Variants in HEXD observed in about 807,000 individuals in gnomAD.
HEXD encodes the protein hexosaminidase D, also known as N-acetyl-beta-galactosaminidase.
In HEXD, 47 loss-of-function variants were observed where a neutral mutation model predicts 54.2. That is an observed-to-expected ratio of 0.87 (90% CI 0.69 to 1.11). HEXD has a LOEUF of 1.11. Ranked by LOEUF, HEXD falls within the 50% of genes least tolerant of loss-of-function variation. The pLI is 0.00. For missense variants in HEXD, 576 were observed against 649.2 expected (o/e 0.89, Z 1.23); for synonymous variants, 293 against 287.6 (o/e 1.02, Z -0.19).
intron 8 of HEXD, among the ~76,000 whole-genome samples, chr17:82,439,265 G>A (rs1363470873): frequency 6.6e-6 from 1 of 152,216 alleles, no homozygotes; most frequent in Non-Finnish European, 1.5e-5. Flanking sequence ...TAGGAGGGGG[G>A]CGTCAAGGGC....
chr17:82,439,787 C>T, intron 9 of HEXD, 74 bp downstream of exon 9: 1 of 1,597,076 alleles, frequency 6.3e-7, no homozygotes, highest in Non-Finnish European at 8.5e-7. Context: ...GGCCAAGCAC[C>T]CAGTGCTCCA....
chr17:82,418,389 G>A lies in HEXD; in HGVS notation c.-403G>A. 1 of 1,449,410 alleles carries A rather than the reference G, an allele frequency of 6.9e-7. No homozygotes were observed. The highest frequency in any genetic ancestry group is 1.3e-5 in the South Asian group (1 of 78,642). 89.8% of individuals were successfully genotyped at this position (1,449,410 alleles called of 1,614,324 possible). ...GGCCCTGTCCGCCGCCGCAGCGCGC[G>A]CCCTTCCCCTCCTCACCGCTACCTG... On this transcript the variant is annotated 5_prime_UTR_variant, in exon 1 of 13. Coordinates refer to ENST00000327949, the MANE Select transcript of HEXD (RefSeq NM_001330542.2).
rs779107983 is a variant in HEXD, at chr17:82,437,373, G to A, written c.899+10G>A. 1.3e-6 allele frequency: 2 copies of A among 1,578,262 alleles called. No homozygotes were observed. The highest frequency in any genetic ancestry group is 1.7e-6 in the Non-Finnish European group (2 of 1,160,258). On this transcript the variant is annotated intron_variant, in intron 8 of 12. Coordinates refer to ENST00000327949, the MANE Select transcript of HEXD (RefSeq NM_001330542.2). ...TGACCGGCTGGCAGAGGTAAGTCCT[G>A]GCCAGTCTGTCCTCAGAGGGTCCAG...
chr17:82,433,603 A>G (rs931569819), intron 4 of HEXD, 55 bp from the exon 5 acceptor site: 7 of 1,460,152 alleles, frequency 4.8e-6, no homozygotes, highest in Non-Finnish European at 5.4e-6. Context: ...GGTGGGCAGA[A>G]GGAGATCAGT....
chr17:82,424,294 G>C (rs2053330153), intron 2 of HEXD, 100 bp from the exon 3 acceptor site: 15 of 759,028 alleles, frequency 2.0e-5, no homozygotes, highest in Non-Finnish European at 3.5e-5. Context: ...AACTCCCACA[G>C]TCTCCACAGG....
intron 6 of HEXD, 107 bp downstream of exon 6, chr17:82,435,979 C>A: frequency 9.0e-7 from 1 of 1,114,078 alleles, no homozygotes; most frequent in Non-Finnish European, 1.3e-6. Context: ...TGAGCCCCAG[C>A]CCCGCACAGA....
At chr17:82,433,097 T>A (rs1254950459) in intron 4 of HEXD, among the ~76,000 whole-genome samples, 2,929 of 12,168 alleles carry the variant, frequency 0.24, 582 homozygotes, top group East Asian at 0.78. Context: ...AAAAAATATA[T>A]ATATATATAT....
intron 4 of HEXD, among the ~76,000 whole-genome samples, chr17:82,430,086 C>G (rs1469205849): frequency 6.6e-6 from 1 of 152,142 alleles, no homozygotes; most frequent in East Asian, 1.9e-4. Context: ...AGGCACCACC[C>G]CTGTCTAAAC....
chr17:82,441,948 T>C, intron 12 of HEXD, 59 bp downstream of exon 12: 1 of 1,527,328 alleles, frequency 6.5e-7, no homozygotes, highest in East Asian at 2.2e-5. Flanking sequence ...ACTGCTGCTG[T>C]TGCTGACATG....
At position 82,442,055 on chromosome 17, in the gene HEXD, G is replaced by C. The variant is rs1487648614; in HGVS notation, c.1254-122G>C. On this transcript the variant is annotated intron_variant, in intron 12 of 12. Coordinates refer to ENST00000327949, the MANE Select transcript of HEXD (RefSeq NM_001330542.2). The surrounding 1 kb of genome is among the most constrained non-coding windows in gnomAD (Gnocchi z 6.8). ...ACCGACTTGTTCCTCCCGACATGCC[G>C]ATGAGGTAGGGTCAGTAGCCCCATT... is the stretch of plus-strand genomic sequence containing the variant. 9 of 1,362,276 alleles carry C rather than the reference G, an allele frequency of 6.6e-6. No homozygotes were observed. Among genetic ancestry groups the C allele is most frequent in the Non-Finnish European group, 9.1e-6 (9 of 985,568 alleles). The allele number at this position is 1,362,276 out of a possible 1,614,324, so 84.4% of individuals were successfully genotyped here.
At chr17:82,431,165 G>C (rs538442686) in intron 4 of HEXD, among the ~76,000 whole-genome samples, 168 of 110,058 alleles carry the variant, frequency 1.5e-3, no homozygotes, top group Middle Eastern at 7.8e-3. Context: ...ACCATACCCG[G>C]CCAGTTTTTT....
intron 3 of HEXD, chr17:82,427,174 G>T (rs1281204747): frequency 6.6e-6 from 1 of 150,614 alleles, no homozygotes; most frequent in Non-Finnish European, 1.5e-5. Flanking sequence ...GTGGTGGTGC[G>T]CACCTGTAAT....
chr17:82,424,346 G>A lies in HEXD; in HGVS notation c.85-48G>A, dbSNP rs201375763. ...CTCCCTGCTGTGGACTTGCCACATCGTGCTCCAGCAGCCACTTCTTCCTAA... is the reference window on the plus strand; with the variant it reads ...CTCCCTGCTGTGGACTTGCCACATCATGCTCCAGCAGCCACTTCTTCCTAA... On this transcript the variant is annotated intron_variant, in intron 2 of 12. Coordinates refer to ENST00000327949, the MANE Select transcript of HEXD (RefSeq NM_001330542.2). The A allele has an allele frequency of 5.5e-6, 7 of 1,266,842 alleles. No individual in the cohort carries two copies. In the East Asian group the frequency reaches 9.3e-5, roughly 17 times the overall value. The allele number at this position is 1,266,842 out of a possible 1,614,324, so 78.5% of individuals were successfully genotyped here. A position where few individuals can be genotyped will look rare whatever the true frequency, so the allele number is the denominator to read the frequency against.
Position 82,418,402 on chromosome 17 carries a change from T to C in HEXD, c.-390T>C. ...GCCGCAGCGCGCGCCCTTCCCCTCC[T>C]CACCGCTACCTGCTCCGGTTCCGGC... On this transcript the variant is annotated 5_prime_UTR_variant, in exon 1 of 13. Transcript: ENST00000327949. The C allele has an allele frequency of 6.8e-7, 1 of 1,471,474 alleles. No homozygotes were observed. The highest frequency in any genetic ancestry group is 9.0e-7 in the Non-Finnish European group (1 of 1,115,486). 91.2% of individuals were successfully genotyped at this position (1,471,474 alleles called of 1,614,324 possible).
intron 8 of HEXD, among the ~76,000 whole-genome samples, chr17:82,438,057 T>C (rs2053823455): frequency 6.6e-6 from 1 of 151,982 alleles, no homozygotes. Flanking sequence ...GCCAACGTGG[T>C]GAAACCCCAT....
rs548968360 is a variant in HEXD at position 82,437,352 on chromosome 17, C to T, written c.888C>T (p.Thr296=). Residue 296 remains threonine, a synonymous_variant, in exon 8 of 13, where the codon ACC becomes ACT. Transcript: ENST00000327949. ...ACTCACTGCAGGGCATCATCCTGACCGGCTGGCAGAGGTAAGTCCTGGCCA... is the reference window on the plus strand; with the variant it reads ...ACTCACTGCAGGGCATCATCCTGACTGGCTGGCAGAGGTAAGTCCTGGCCA... ...PTDSLQGIIL[T]GWQRYDHYSV... is the part of the protein sequence containing the mutation. The T allele has an allele frequency of 2.2e-5, 35 of 1,598,514 alleles. No homozygotes were observed. The highest frequency in any genetic ancestry group is 5.6e-5 in the South Asian group (5 of 89,618).
chr17:82,439,902 TG>T (rs1227565468), intron 9 of HEXD, 189 bp downstream of exon 9: 1 of 1,528,540 alleles, frequency 6.5e-7, no homozygotes, highest in South Asian at 1.2e-5. Context: ...GGCCTGTGTC[TG>T]GGTCTCCAGG....
At chr17:82,436,032 A>C (rs552978641) in intron 6 of HEXD, among the ~76,000 whole-genome samples, 160 bp downstream of exon 6, 63 of 152,336 alleles carry the variant, frequency 4.1e-4, no homozygotes, top group Middle Eastern at 3.4e-3. Flanking sequence ...GCCAGGCCTG[A>C]GTCGTTTCCC....
chr17:82,434,020 G>A lies in HEXD; in HGVS notation c.447+198G>A, dbSNP rs1288679176. Among the ~76,000 whole-genome samples, 3 of 151,664 alleles carry A rather than the reference G, an allele frequency of 2.0e-5. No homozygotes were observed. Among genetic ancestry groups the A allele is most frequent in the South Asian group, 2.1e-4 (1 of 4,806 alleles). On this transcript the variant is annotated intron_variant, in intron 5 of 12. Coordinates refer to ENST00000327949, the MANE Select transcript of HEXD (RefSeq NM_001330542.2). The surrounding 1 kb of genome is among the most constrained non-coding windows in gnomAD (Gnocchi z 4.5). ...TGCGGAGCCCGAGGGAGGCACCCTC[G>A]TGTCAGACGCGTCCAACATCTTCTC...
Sources: gnomAD v4.1 joint callset for allele counts (sites outside exome capture counted in the v4.1 genomes callset) on GRCh38, gnomAD v4.1.1 for gene constraint, Gnocchi (gnomAD v3.1) non-coding constraint, MANE v1.5 for transcripts, NCBI Gene and HGNC (gene_info 2026-07-23, HGNC 2026-07-21) for gene names.